HDHD5: variants seen among roughly 807,000 people sequenced by gnomAD.
HDHD5 encodes the protein haloacid dehalogenase like hydrolase domain containing 5.
In HDHD5, 34 loss-of-function variants were observed where a neutral mutation model predicts 35.5. That is an observed-to-expected ratio of 0.96 (90% CI 0.73 to 1.28). The LOEUF is 1.28. Ranked by LOEUF, HDHD5 falls within the 50% of genes most tolerant of loss-of-function variation. The pLI is 0.00. For synonymous variants in HDHD5, 248 were observed against 240.6 expected, an observed-to-expected ratio of 1.03 and a Z score of -0.29; for missense variants, 589 against 560.2, an observed-to-expected ratio of 1.05 and a Z score of -0.52.
chr22:17,160,424 G>A (rs2061855051), upstream of HDHD5, among the ~76,000 whole-genome samples: 2 of 152,112 alleles, frequency 1.3e-5, no homozygotes, highest in Non-Finnish European at 2.9e-5. Context: ...ACTGAGGCGA[G>A]TGGATCAGGA....
intron 4 of HDHD5, among the ~76,000 whole-genome samples, chr22:17,143,839 G>A (rs138027594): frequency 6.6e-6 from 1 of 152,366 alleles, no homozygotes; most frequent in African/African-American, 2.4e-5. Context: ...CTGTGAGAAT[G>A]GTCTGACTCA....
chr22:17,156,628 T>C (rs560692671), intron 1 of HDHD5, among the ~76,000 whole-genome samples: 14 of 151,518 alleles, frequency 9.2e-5, no homozygotes, highest in African/African-American at 2.4e-4. Context: ...TCCAAAAAAT[T>C]AGCCAGGCGT....
intron 1 of HDHD5, among the ~76,000 whole-genome samples, chr22:17,158,193 T>C (rs1239566458): frequency 6.6e-6 from 1 of 151,880 alleles, no homozygotes; most frequent in African/African-American, 2.4e-5. Flanking sequence ...TGGTGGCGGG[T>C]GCCTGTAATC....
intron 5 of HDHD5, chr22:17,141,645 G>A (rs2061602256): frequency 9.7e-7 from 1 of 1,028,476 alleles, no homozygotes; most frequent in Non-Finnish European, 1.2e-6. Flanking sequence ...CCAGGACAGG[G>A]GGTGTGGAGT....
chr22:17,159,037 A>G lies in HDHD5; in HGVS notation c.126+89T>C, dbSNP rs1212886835. On this transcript the variant is annotated intron_variant, in intron 1 of 7. Coordinates refer to ENST00000336737, the MANE Select transcript of HDHD5 (RefSeq NM_033070.3). ...GCAGTTCCCAGGAGGCTGGGATACCAGCCCGGCCGCCCCTCCTTCCCCGCG... is the reference window on the plus strand; with the variant it reads ...GCAGTTCCCAGGAGGCTGGGATACCGGCCCGGCCGCCCCTCCTTCCCCGCG... 21 of 1,117,298 alleles carry G rather than the reference A, an allele frequency of 1.9e-5. No homozygotes were observed. The Admixed American group carries it at 9.9e-4, about 53-fold the overall frequency. The allele number at this position is 1,117,298 out of a possible 1,614,324, so 69.2% of individuals were successfully genotyped here.
rs564020230 is a variant in HDHD5, at chr22:17,137,900, G to A, written c.*121C>T. ...TGACCAGTAATGCCACACTCATGGG[G>A]CAGCAAGAAGGGTGGCAAGGGAACC... On this transcript the variant is annotated 3_prime_UTR_variant, in exon 8 of 8. Transcript: ENST00000336737. 6.9e-6 allele frequency: 5 copies of A among 719,688 alleles called. No homozygotes were observed. The South Asian group carries it at 9.4e-5, about 14-fold the overall frequency. The allele number at this position is 719,688 out of a possible 1,614,324, so 44.6% of individuals were successfully genotyped here.
chr22:17,162,491 C>T (rs2061869521), upstream of HDHD5, among the ~76,000 whole-genome samples: 1 of 152,204 alleles, frequency 6.6e-6, no homozygotes, highest in Non-Finnish European at 1.5e-5. Context: ...GACTGAATGC[C>T]ATAAGACCAT....
intron 3 of HDHD5, among the ~76,000 whole-genome samples, chr22:17,147,698 C>T (rs1460593002): frequency 1.3e-5 from 2 of 148,196 alleles, no homozygotes; most frequent in East Asian, 2.0e-4. Flanking sequence ...CGATCACATG[C>T]CATCGCACAC....
At chr22:17,141,658 T>G (rs1473982821) in intron 5 of HDHD5, 2 of 1,006,226 alleles carry the variant, frequency 2.0e-6, no homozygotes, top group Admixed American at 6.1e-5. Context: ...TGTGGAGTGA[T>G]AGAGACTTGA....
chr22:17,160,139 G>A (rs2061852894), upstream of HDHD5, among the ~76,000 whole-genome samples: 1 of 152,174 alleles, frequency 6.6e-6, no homozygotes, highest in South Asian at 2.1e-4. Flanking sequence ...GTATAGCTAT[G>A]CTAAAAACGC....
chr22:17,145,596 G>T (rs570473535), intron 3 of HDHD5, among the ~76,000 whole-genome samples: 2 of 152,168 alleles, frequency 1.3e-5, no homozygotes, highest in Non-Finnish European at 2.9e-5. Context: ...GGAGGCTGGG[G>T]CAGGAGGATC....
At position 17,147,471 on chromosome 22, in the gene HDHD5, T is replaced by C. The variant is rs183714037; in HGVS notation, c.443+977A>G. On this transcript the variant is annotated intron_variant, in intron 3 of 7. Coordinates refer to ENST00000336737, the MANE Select transcript of HDHD5 (RefSeq NM_033070.3). The stretch of plus-strand genomic sequence containing the variant: ...CATGCCATCGCACACGCTCCACACC[T>C]GTGGCACACTCCTGTGAGCTTACCG... Among the ~76,000 whole-genome samples the C allele has an allele frequency of 3.6e-4, 42 of 117,032 alleles. 1 individual carries two copies. The Admixed American group carries it at 3.9e-3, about 11-fold the overall frequency. 76.8% of individuals were successfully genotyped at this position (117,032 alleles called of 152,430 possible).
chr22:17,156,951 G>A (rs1411557246), intron 1 of HDHD5, among the ~76,000 whole-genome samples: 3 of 151,454 alleles, frequency 2.0e-5, no homozygotes, highest in Non-Finnish European at 4.4e-5. Context: ...GGTGGCAGGC[G>A]CCTGTAATCC....
intron 2 of HDHD5, among the ~76,000 whole-genome samples, chr22:17,148,826 G>A (rs919948175): frequency 2.0e-5 from 3 of 152,126 alleles, no homozygotes; most frequent in African/African-American, 4.8e-5. Flanking sequence ...CCGCTACCCC[G>A]TCAGGTTCAG....
Position 17,138,247 on chromosome 22 carries a change from T to C in HDHD5, c.1046A>G (p.Gln349Arg). ...ELGAGGTRQQ[Q>R]PSASQSCISI... is the part of the protein sequence containing the mutation. ...GATGCAGCTCTGGCTTGCTGAGGGC[T>C]GTTGCTGCCGTGTGCCCCCGGCCCC... The change falls in exon 8 of 8, where the codon CAG becomes CGG. Residue 349 changes from glutamine (Q) to arginine (R), a missense_variant. Physicochemically the swap from Gln to Arg is conservative, Grantham distance 43. Coordinates refer to ENST00000336737, the MANE Select transcript of HDHD5 (RefSeq NM_033070.3). 6.2e-7 allele frequency: 1 copy of C among 1,614,212 alleles called. No individual in the cohort carries two copies. Among genetic ancestry groups the C allele is most frequent in the Admixed American group, 1.7e-5 (1 of 60,032 alleles).
chr22:17,152,614 G>C lies in HDHD5; in HGVS notation c.127-2869C>G, dbSNP rs563975619. 2.0e-5 allele frequency among the ~76,000 whole-genome samples: 3 copies of C among 152,290 alleles called. No homozygotes were observed. In the South Asian group the frequency reaches 6.2e-4, roughly 32 times the overall value. On this transcript the variant is annotated intron_variant, in intron 1 of 7. Coordinates refer to ENST00000336737, the MANE Select transcript of HDHD5 (RefSeq NM_033070.3). Reference sequence around the variant, plus strand: ...GGGAGACAGGCAAGTGGAGACATCAGCACTGGACAGGTCCTGGAGATGAAA... The same window carrying C: ...GGGAGACAGGCAAGTGGAGACATCACCACTGGACAGGTCCTGGAGATGAAA...
chr22:17,154,405 G>A (rs2061761596), intron 1 of HDHD5, among the ~76,000 whole-genome samples: 1 of 151,052 alleles, frequency 6.6e-6, no homozygotes, highest in Non-Finnish European at 1.5e-5. Flanking sequence ...CTTGAACTCG[G>A]GAGATGGTGT....
chr22:17,151,684 C>T (rs376060297), intron 1 of HDHD5, among the ~76,000 whole-genome samples: 170 of 144,344 alleles, frequency 1.2e-3, no homozygotes, highest in South Asian at 6.1e-3. Flanking sequence ...GAGCCGGGAT[C>T]GTGCCACTGC....
At chr22:17,159,746 T>G (rs1428131225), upstream of HDHD5, 1 of 292,590 alleles carries the variant, frequency 3.4e-6, no homozygotes, top group Non-Finnish European at 6.7e-6. Context: ...TCTGTAAACC[T>G]GCTGACGCCC....
Sources: gnomAD v4.1 joint callset for allele counts (sites outside exome capture counted in the v4.1 genomes callset) on GRCh38, gnomAD v4.1.1 for gene constraint, MANE v1.5 for transcripts, NCBI Gene and HGNC (gene_info 2026-07-23, HGNC 2026-07-21) for gene names.